The following SEMA6C variants were observed in gnomAD, a reference collection of about 807,000 sequenced individuals.
SEMA6C encodes semaphorin-6C.
In SEMA6C, 37 loss-of-function variants were observed where a neutral mutation model predicts 72.9. The ratio of observed to expected loss-of-function variants is 0.51; its 90% confidence interval spans 0.39 to 0.67. SEMA6C has a LOEUF of 0.67. Among genes scored for constraint, SEMA6C ranks in the 30% least tolerant of loss-of-function variants. SEMA6C has a pLI of 0.00. For synonymous variants in SEMA6C, 578 were observed against 554.1 expected (o/e 1.04, Z -0.61); for missense variants, 1,189 against 1,263.6 (o/e 0.94, Z 0.89).
rs587701853 is a variant in SEMA6C, at chr1:151,146,083, C to T, written c.-105+350G>A. Reference sequence around the variant, plus strand: ...GTCTAGTTCTCCGTGGGTCTCGGAGCCCTAGTTTCCTTGCTGGGAAAGCAA... The same window carrying T: ...GTCTAGTTCTCCGTGGGTCTCGGAGTCCTAGTTTCCTTGCTGGGAAAGCAA... On this transcript the variant is annotated intron_variant, in intron 1 of 18. Transcript: ENST00000368914. This position sits in a 1 kb window ranked among gnomAD's most constrained non-coding sequence, Gnocchi z 4.6. The T allele has an allele frequency of 6.6e-6, 1 of 152,302 alleles. No homozygotes were observed. Among genetic ancestry groups the T allele is most frequent in the South Asian group, 2.1e-4 (1 of 4,824 alleles). The allele number at this position is 152,302 out of a possible 1,614,324, so 9.4% of individuals were successfully genotyped here. A position where few individuals can be genotyped will look rare whatever the true frequency, so the allele number is the denominator to read the frequency against.
intron 5 of SEMA6C, 69 bp from the exon 6 acceptor site, chr1:151,139,550 T>A: frequency 1.2e-6 from 2 of 1,603,798 alleles, no homozygotes; most frequent in Non-Finnish European, 1.7e-6. Flanking sequence ...TGGCTCCTTT[T>A]AGATTCTTCT....
At chr1:151,136,319 G>T in intron 12 of SEMA6C, 129 bp downstream of exon 12, 1 of 1,475,772 alleles carries the variant, frequency 6.8e-7, no homozygotes, top group Non-Finnish European at 9.2e-7. Flanking sequence ...CAGCTCTTCG[G>T]CCCCACTGCC....
chr1:151,145,326 T>C lies in SEMA6C; in HGVS notation c.-104-892A>G, dbSNP rs1419164640. 2.0e-5 allele frequency: 3 copies of C among 152,256 alleles called. No homozygotes were observed. The highest frequency in any genetic ancestry group is 4.8e-5 in the African/African-American group (2 of 41,424). The allele number at this position is 152,256 out of a possible 1,614,324, so 9.4% of individuals were successfully genotyped here. ...GAAGGGGAGACTGGGCTGGGGACAA[T>C]AGCAGGAAGCCTTTGGGCTGGTCGC... On this transcript the variant is annotated intron_variant, in intron 1 of 18. Coordinates refer to ENST00000368914, the MANE Select transcript of SEMA6C (RefSeq NM_030913.6). The surrounding 1 kb of genome is among the most constrained non-coding windows in gnomAD (Gnocchi z 4.4).
intron 13 of SEMA6C, 111 bp downstream of exon 13, chr1:151,135,900 C>G: frequency 3.3e-6 from 5 of 1,536,538 alleles, no homozygotes; most frequent in Non-Finnish European, 4.4e-6. Flanking sequence ...TCTCTCCCTT[C>G]TACTTTCACA....
In SEMA6C at chr1:151,137,042, T is replaced by A. The variant is rs1168521790; in HGVS notation, c.789A>T (p.Lys263Asn). 2 of 1,613,742 alleles carry A rather than the reference T, an allele frequency of 1.2e-6. No individual in the cohort carries two copies. ...CCCGAGGCGAGCCGCCCATGTCACG[T>A]TTACATACTCGGGCTACGCGGGAGA... ...VQFSRVARVCKRDMGGSPRAL... is the reference protein window; with the variant it reads ...VQFSRVARVCNRDMGGSPRAL... Residue 263 changes from lysine (K) to asparagine (N), a missense_variant, in exon 11 of 19, where the codon AAA (lysine) becomes AAT (asparagine). Lys to Asn is a moderately conservative substitution (Grantham distance 94). Around this residue, in one of 2 missense-constraint regions of SEMA6C, gnomAD observed 468 missense variants for 577.4 expected, o/e 0.81. Transcript: ENST00000368914.
rs1397264150 is a variant in SEMA6C, at chr1:151,134,159, C to T, written c.1759+242G>A. 3.2e-5 allele frequency: 28 copies of T among 876,864 alleles called. No individual in the cohort carries two copies. In the South Asian group the frequency reaches 4.2e-4, roughly 13 times the overall value. The allele number at this position is 876,864 out of a possible 1,614,324, so 54.3% of individuals were successfully genotyped here. A position where few individuals can be genotyped will look rare whatever the true frequency, so the allele number is the denominator to read the frequency against. On this transcript the variant is annotated intron_variant, in intron 18 of 18. Transcript: ENST00000368914. ...TCCTGTGGAACCCAGGAGTCCAGAA[C>T]GCCAGCCTCTAGTTTCTTCTGGGCC... is the stretch of plus-strand genomic sequence containing the variant.
At chr1:151,136,806 G>A (rs768122352) in intron 11 of SEMA6C, 51 bp downstream of exon 11, 2 of 1,524,812 alleles carry the variant, frequency 1.3e-6, no homozygotes, top group South Asian at 2.3e-5. Flanking sequence ...GAGTTTGGAG[G>A]CTGGTGAGGC....
chr1:151,144,233 C>G (rs924965226), intron 2 of SEMA6C, among the ~76,000 whole-genome samples, 152 bp downstream of exon 2: 3 of 152,178 alleles, frequency 2.0e-5, no homozygotes, highest in Admixed American at 6.5e-5. Flanking sequence ...CCACCACCCC[C>G]CTGCCTCCAA....
In SEMA6C at chr1:151,134,986, C is replaced by T. The variant is rs796096127; in HGVS notation, c.1581-111G>A. ...AGGAGGCTCCCAGCCTCATTCTCTC[C>T]TGTCCACCTCAGTCTCTCCACACCC... is the stretch of plus-strand genomic sequence containing the variant. On this transcript the variant is annotated intron_variant, in intron 15 of 18. Coordinates refer to ENST00000368914, the MANE Select transcript of SEMA6C (RefSeq NM_030913.6). The T allele has an allele frequency of 5.2e-6, 7 of 1,336,520 alleles. No individual in the cohort carries two copies. In the African/African-American group the frequency reaches 1.0e-4, roughly 19 times the overall value. The allele number at this position is 1,336,520 out of a possible 1,614,324, so 82.8% of individuals were successfully genotyped here.
At chr1:151,137,187 T>TGTA in intron 10 of SEMA6C, 113 bp from the exon 11 acceptor site, 1 of 861,534 alleles carries the variant, frequency 1.2e-6, no homozygotes, top group Middle Eastern at 3.6e-4. Flanking sequence ...GGCTCACGCC[T>TGTA]GTAATCCCAA....
At chr1:151,141,963 T>A (rs1261918341) in intron 3 of SEMA6C, among the ~76,000 whole-genome samples, 1 of 151,984 alleles carries the variant, frequency 6.6e-6, no homozygotes, top group Non-Finnish European at 1.5e-5. Context: ...TTAAGTAACT[T>A]AACCAAGGTC....
chr1:151,139,819 A>G, intron 4 of SEMA6C, 118 bp from the exon 5 acceptor site: 1 of 1,240,102 alleles, frequency 8.1e-7, no homozygotes, highest in Non-Finnish European at 1.1e-6. Context: ...CCCTTCCTCC[A>G]TGCCTTGGCA....
At position 151,133,248 on chromosome 1, in the gene SEMA6C, G is replaced by A. The variant is rs1317869581; in HGVS notation, c.2029C>T (p.Pro677Ser). 4.4e-6 allele frequency: 7 copies of A among 1,577,324 alleles called. No homozygotes were observed. The highest frequency in any genetic ancestry group is 1.4e-5 in the African/African-American group (1 of 73,288). ...GGCAGGAAGGTGGTGTAGAGCTGCG[G>A]CGTCTGCACCGCGTCCCCGTCCTTG... is the stretch of plus-strand genomic sequence containing the variant. ...PSKDGDAVQT[P>S]QLYTTFLPPP... The change falls in exon 19 of 19, where the codon CCG becomes TCG. Residue 677 changes from proline to serine, a missense_variant. Physicochemically the swap from Pro to Ser is moderately conservative, Grantham distance 74. This residue lies in a region of SEMA6C where 721 missense variants were observed against 686.2 expected (regional missense o/e 1.05). Transcript: ENST00000368914. This position sits in a 1 kb window ranked among gnomAD's most constrained non-coding sequence, Gnocchi z 5.9.
At chr1:151,139,834 T>C in intron 4 of SEMA6C, 133 bp from the exon 5 acceptor site, 1 of 1,227,772 alleles carries the variant, frequency 8.1e-7, no homozygotes, top group Non-Finnish European at 1.2e-6. Context: ...TTGGCATTTG[T>C]GCTCTGGGTC....
At chr1:151,137,419 C>T (rs587742995) in intron 10 of SEMA6C, among the ~76,000 whole-genome samples, 81 of 132,178 alleles carry the variant, frequency 6.1e-4, no homozygotes, top group Admixed American at 2.0e-3. Flanking sequence ...GCACTCCAGC[C>T]TGGGCGACAG....
chr1:151,132,692 G>GC lies in SEMA6C; in HGVS notation c.2584dup (p.Ala862GlyfsTer166). 1 of 1,505,822 alleles carries GC rather than the reference G, an allele frequency of 6.6e-7. No individual in the cohort carries two copies. Among genetic ancestry groups the GC allele is most frequent in the Non-Finnish European group, 8.9e-7 (1 of 1,125,862 alleles). 93.3% of individuals were successfully genotyped at this position (1,505,822 alleles called of 1,614,324 possible). A position where few individuals can be genotyped will look rare whatever the true frequency, so the allele number is the denominator to read the frequency against. On this transcript the variant is annotated frameshift_variant, in exon 19 of 19. Transcript: ENST00000368914. LOFTEE classifies it low-confidence loss of function (END_TRUNC). ...TCCCGAGGGGACTCGAGTGAGCAGG[G>GC]CAGGGGGGGCCCGGTGGCCGGAGAA...
rs368091895 is a variant in SEMA6C, at chr1:151,134,391, G to T, written c.1759+10C>A. On this transcript the variant is annotated intron_variant, in intron 18 of 18. Coordinates refer to ENST00000368914, the MANE Select transcript of SEMA6C (RefSeq NM_030913.6). ...GCAAGGGAAGGTGAGGTTGGGACAA[G>T]AGGACTCACCATAAGCAGAATCCCC... 2.5e-6 allele frequency: 4 copies of T among 1,580,462 alleles called. No individual in the cohort carries two copies. Among genetic ancestry groups the T allele is most frequent in the Non-Finnish European group, 3.4e-6 (4 of 1,162,892 alleles).
At chr1:151,141,577 T>C (rs587731129) in intron 3 of SEMA6C, among the ~76,000 whole-genome samples, 1 of 151,846 alleles carries the variant, frequency 6.6e-6, no homozygotes, top group East Asian at 1.9e-4. Context: ...GCCTGGCTAA[T>C]TTTTTGTATT....
In SEMA6C at chr1:151,132,112, C is replaced by T; in HGVS notation, c.*372G>A. ...TCCTACACAGTAGGAGAGGCACGTC[C>T]CAGACCCAGAAGGCCCGAGGACTCT... On this transcript the variant is annotated 3_prime_UTR_variant, in exon 19 of 19. Coordinates refer to ENST00000368914, the MANE Select transcript of SEMA6C (RefSeq NM_030913.6). 1 of 1,004,128 alleles carries T rather than the reference C, an allele frequency of 1.0e-6. No homozygotes were observed. The highest frequency in any genetic ancestry group is 1.7e-5 in the African/African-American group (1 of 60,140). The allele number at this position is 1,004,128 out of a possible 1,614,324, so 62.2% of individuals were successfully genotyped here.
Sources: gnomAD v4.1 joint callset for allele counts (sites outside exome capture counted in the v4.1 genomes callset) on GRCh38, gnomAD v4.1.1 for gene constraint, gnomAD v4.1.1 regional missense constraint, Gnocchi (gnomAD v3.1) non-coding constraint, MANE v1.5 for transcripts, NCBI Gene and HGNC (gene_info 2026-07-23, HGNC 2026-07-21) for gene names.